The following ST3GAL6 variants were observed in gnomAD, a reference collection of about 807,000 sequenced individuals.
ST3GAL6 encodes the protein ST3 beta-galactoside alpha-2,3-sialyltransferase 6, also known as type 2 lactosamine alpha-2,3-sialyltransferase.
A neutral mutation model predicts 40.5 loss-of-function variants in ST3GAL6; 31 were observed. The ratio of observed to expected loss-of-function variants is 0.77; its 90% CI spans 0.58 to 1.03. The LOEUF (loss-of-function observed/expected upper bound fraction) is 1.03. ST3GAL6 is among the 50% of genes least tolerant of loss of function. ST3GAL6 has a pLI of 0.00. For missense variants in ST3GAL6, 357 were observed against 393.2 expected (o/e 0.91, Z 0.78); for synonymous variants, 129 against 136.9 (o/e 0.94, Z 0.40).
rs1485087866 is a variant in ST3GAL6 at position 98,795,526 on chromosome 3, C to T, written c.*1765C>T. On this transcript the variant is annotated 3_prime_UTR_variant, in exon 10 of 10. Coordinates refer to ENST00000483910, the MANE Select transcript of ST3GAL6 (RefSeq NM_001323368.2). Reference sequence around the variant, plus strand: ...TAATCAATCAGTGTGATTTTCCCCTCATACCACACAGCCATAGGCTGCAGT... The same window carrying T: ...TAATCAATCAGTGTGATTTTCCCCTTATACCACACAGCCATAGGCTGCAGT... 6.6e-6 allele frequency: 1 copy of T among 152,200 alleles called. No individual in the cohort carries two copies. The highest frequency in any genetic ancestry group is 1.5e-5 in the Non-Finnish European group (1 of 68,038). The allele number at this position is 152,200 out of a possible 1,614,324, so 9.4% of individuals were successfully genotyped here.
At position 98,788,083 on chromosome 3, in the gene ST3GAL6, G is replaced by A; in HGVS notation, c.479G>A (p.Arg160Lys). 6.2e-7 allele frequency: 1 copy of A among 1,613,910 alleles called. No individual in the cohort carries two copies. The highest frequency in any genetic ancestry group is 8.5e-7 in the Non-Finnish European group (1 of 1,179,928). The part of the protein sequence containing the change: ...VLGHEEEVGR[R>K]TTFRLFYPES... ...GGACATGAAGAAGAAGTTGGGAGAA[G>A]GACAACCTTCCGACTTTTTTATCCA... is the stretch of plus-strand genomic sequence containing the variant. Residue 160 changes from arginine (R) to lysine (K), a missense_variant, in exon 7 of 10, where the codon AGG becomes AAG. By Grantham distance (26) the Arg-to-Lys change is conservative (BLOSUM62 2). Coordinates refer to ENST00000483910, the MANE Select transcript of ST3GAL6 (RefSeq NM_001323368.2).
In ST3GAL6 at chr3:98,795,348, A is replaced by ACTT. The variant is rs1487308811; in HGVS notation, c.*1588_*1590dup. On this transcript the variant is annotated 3_prime_UTR_variant, in exon 10 of 10. Transcript: ENST00000483910. ...ATTTGGCTCAGAAACAGAATGCGGT[A>ACTT]CTTATAAAGCAGAATAAAGGGGAGA... 1.3e-5 allele frequency: 2 copies of ACTT among 152,338 alleles called. No homozygotes were observed. The highest frequency in any genetic ancestry group is 1.9e-4 in the East Asian group (1 of 5,190). 9.4% of individuals were successfully genotyped at this position (152,338 alleles called of 1,614,324 possible).
Position 98,791,915 on chromosome 3 carries a change from TG to T in ST3GAL6, c.833del (p.Gly278ValfsTer23), listed in dbSNP as rs1217295209. On this transcript the variant is annotated frameshift_variant, in exon 9 of 10. Transcript: ENST00000483910. LOFTEE classifies it high-confidence loss of function. ...FYICHEVHLAGFKYNFSDLKS... is the reference protein window; with the variant it reads ...FYICHEVHLAXFKYNFSDLKS... ...ACATATGTCACGAAGTTCACCTAGC[TG>T]GTTTTAAATACAACTTTTCTGACCT... 6.2e-7 allele frequency: 1 copy of T among 1,614,002 alleles called. No homozygotes were observed. The highest frequency in any genetic ancestry group is 2.2e-5 in the East Asian group (1 of 44,882).
rs143418195 is a variant in ST3GAL6, at chr3:98,791,447, A to G, written c.757-394A>G. Reference sequence around the variant, plus strand: ...TCCGTTTGTGAATGAAGCTGTCCTTATATTTCATACACGTGTTCAAAATTC... The same window carrying G: ...TCCGTTTGTGAATGAAGCTGTCCTTGTATTTCATACACGTGTTCAAAATTC... On this transcript the variant is annotated intron_variant, in intron 8 of 9. Transcript: ENST00000483910. Among the ~76,000 whole-genome samples the G allele has an allele frequency of 7.2e-3, 1,094 of 152,304 alleles. 7 individuals carry two copies. Among genetic ancestry groups the G allele is most frequent in the Non-Finnish European group, 0.012 (802 of 68,018 alleles).
rs182426080 is a variant in ST3GAL6, at chr3:98,791,962, A to T, written c.878A>T (p.Tyr293Phe). 1 of 1,613,844 alleles carries T rather than the reference A, an allele frequency of 6.2e-7. No individual in the cohort carries two copies. Among genetic ancestry groups the T allele is most frequent in the Non-Finnish European group, 8.5e-7 (1 of 1,179,804 alleles). Residue 293 changes from tyrosine (Y) to phenylalanine (F), a missense_variant, in exon 9 of 10, where the codon TAT becomes TTT. Physicochemically the swap from Tyr to Phe is conservative, Grantham distance 22. Transcript: ENST00000483910. ...FSDLKSPLHY[Y>F]GNATMSLMNK... is the part of the protein sequence containing the mutation. ...GACCTCAAGAGTCCTTTGCACTACT[A>T]TGGGAATGCCACCATGTCTTTGATG...
rs1559749959 is a variant in ST3GAL6 at position 98,782,275 on chromosome 3, T to C, written c.336-2670T>C. The C allele has an allele frequency of 1.4e-5, 10 of 703,450 alleles. No individual in the cohort carries two copies. The East Asian group carries it at 2.1e-4, about 15-fold the overall frequency. 43.6% of individuals were successfully genotyped at this position (703,450 alleles called of 1,614,324 possible). On this transcript the variant is annotated intron_variant, in intron 5 of 9. Coordinates refer to ENST00000483910, the MANE Select transcript of ST3GAL6 (RefSeq NM_001323368.2). ...CAAGGACTTCCAGTAGCTTCTCAGC[T>C]GTTTTCCCAGTCACTTTCAGAAGCA... is the stretch of plus-strand genomic sequence containing the variant.
At chr3:98,755,884 T>G (rs1240621799) in intron 1 of ST3GAL6, among the ~76,000 whole-genome samples, 2 of 152,134 alleles carry the variant, frequency 1.3e-5, no homozygotes, top group African/African-American at 4.8e-5. Context: ...CACACTTCTT[T>G]TTCCCTCACT....
At position 98,757,028 on chromosome 3, in the gene ST3GAL6, T is replaced by A. The variant is rs537535659; in HGVS notation, c.-11-11402T>A. On this transcript the variant is annotated intron_variant, in intron 1 of 9. Transcript: ENST00000265261. ...ATAGTTTCATTAAAGTACCTTCTAATTTTTTAGGCTGATTTTTCTTACTTT... is the reference window on the plus strand; with the variant it reads ...ATAGTTTCATTAAAGTACCTTCTAAATTTTTAGGCTGATTTTTCTTACTTT... Among the ~76,000 whole-genome samples the A allele has an allele frequency of 3.9e-4, 59 of 152,324 alleles. 2 individuals carry two copies. Among genetic ancestry groups the A allele is most frequent in the Admixed American group, 3.3e-4 (5 of 15,310 alleles).
At position 98,794,540 on chromosome 3, in the gene ST3GAL6, C is replaced by T. The variant is rs1941458446; in HGVS notation, c.*779C>T. The T allele has an allele frequency of 6.6e-6, 1 of 151,940 alleles. No individual in the cohort carries two copies. The highest frequency in any genetic ancestry group is 3.4e-3 in the Middle Eastern group (1 of 294). The allele number at this position is 151,940 out of a possible 1,614,324, so 9.4% of individuals were successfully genotyped here. ...TATTCATTAAATTTTGAAGGTTTTC[C>T]ACTTGAAGTAAATTAGGAAAGGTAA... On this transcript the variant is annotated 3_prime_UTR_variant, in exon 10 of 10. Transcript: ENST00000483910.
chr3:98,792,060 T>C (rs1040358214), intron 9 of ST3GAL6, 67 bp downstream of exon 9: 6 of 1,399,808 alleles, frequency 4.3e-6, no homozygotes, highest in Non-Finnish European at 5.7e-6. Flanking sequence ...GGAAAGCCCA[T>C]ATTTTCTCTT....
At chr3:98,784,895 C>G in intron 5 of ST3GAL6, 50 bp from the exon 6 acceptor site, 3 of 1,454,168 alleles carry the variant, frequency 2.1e-6, no homozygotes, top group Non-Finnish European at 2.9e-6. Context: ...TTCTTGGAAT[C>G]AGTTTTGTAA....
In ST3GAL6 at chr3:98,791,832, C is replaced by A; in HGVS notation, c.757-9C>A. 1 of 1,592,292 alleles carries A rather than the reference C, an allele frequency of 6.3e-7. No homozygotes were observed. The highest frequency in any genetic ancestry group is 1.1e-5 in the South Asian group (1 of 87,674). On this transcript the variant is annotated splice_polypyrimidine_tract_variant and intron_variant, in intron 8 of 9. Coordinates refer to ENST00000483910, the MANE Select transcript of ST3GAL6 (RefSeq NM_001323368.2). The stretch of plus-strand genomic sequence containing the variant: ...TGCTTAAAAAAGTTTTTTTCATCCC[C>A]TCCCCCAGAAACCTAAACACCCAAC...
chr3:98,788,849 G>C (rs529996677), intron 8 of ST3GAL6, among the ~76,000 whole-genome samples: 6 of 152,308 alleles, frequency 3.9e-5, no homozygotes, highest in African/African-American at 1.4e-4. Context: ...GGCTTTGCAG[G>C]CTAAAAAGAA....
At position 98,773,964 on chromosome 3, in the gene ST3GAL6, C is replaced by G. The variant is rs1356355696; in HGVS notation, c.316C>G (p.Leu106Val). The G allele has an allele frequency of 6.2e-7, 1 of 1,613,100 alleles. No individual in the cohort carries two copies. Among genetic ancestry groups the G allele is most frequent in the Non-Finnish European group, 8.5e-7 (1 of 1,179,342 alleles). The change falls in exon 5 of 10, where the codon CTC (leucine) becomes GTC (valine). Residue 106 changes from leucine (L) to valine (V), a missense_variant. Coordinates refer to ENST00000483910, the MANE Select transcript of ST3GAL6 (RefSeq NM_001323368.2). ...LALSKLQSCD[L>V]FDEFDNIPCK... is the part of the protein sequence containing the mutation. ...TCTTTCAAAACTGCAGAGTTGTGAT[C>G]TCTTTGATGAGTTTGACAAGTGAGT...
In ST3GAL6 at chr3:98,793,838, G is replaced by C; in HGVS notation, c.*77G>C. The C allele has an allele frequency of 7.1e-6, 6 of 842,734 alleles. No homozygotes were observed. Among genetic ancestry groups the C allele is most frequent in the Non-Finnish European group, 1.1e-5 (6 of 544,890 alleles). The allele number at this position is 842,734 out of a possible 1,614,324, so 52.2% of individuals were successfully genotyped here. On this transcript the variant is annotated 3_prime_UTR_variant, in exon 10 of 10. Coordinates refer to ENST00000483910, the MANE Select transcript of ST3GAL6 (RefSeq NM_001323368.2). ...GCAATTTTTAGTTTAAAATATGTTG[G>C]ATGCACTCGTCAAATAATTATGTAT...
At chr3:98,793,522 T>G (rs1488418339) in intron 9 of ST3GAL6, among the ~76,000 whole-genome samples, 153 bp from the exon 10 acceptor site, 1 of 151,918 alleles carries the variant, frequency 6.6e-6, no homozygotes, top group Non-Finnish European at 1.5e-5. Context: ...GGAAAGTAAT[T>G]TAAAAGGCTA....
At chr3:98,774,871 T>G (rs1163847408) in intron 5 of ST3GAL6, among the ~76,000 whole-genome samples, 1 of 152,260 alleles carries the variant, frequency 6.6e-6, no homozygotes, top group East Asian at 1.9e-4. Context: ...AGTGTGTATT[T>G]GTGTAATGTG....
chr3:98,791,692 G>T, intron 8 of ST3GAL6, 149 bp from the exon 9 acceptor site: 1 of 676,638 alleles, frequency 1.5e-6, no homozygotes, highest in South Asian at 2.0e-5. Context: ...ATACTCTTTG[G>T]GGCTTGAGCC....
chr3:98,794,382 AC>A lies in ST3GAL6; in HGVS notation c.*622del, dbSNP rs1415599159. 1.3e-5 allele frequency: 2 copies of A among 152,208 alleles called. No homozygotes were observed. Among genetic ancestry groups the A allele is most frequent in the African/African-American group, 4.8e-5 (2 of 41,444 alleles). The allele number at this position is 152,208 out of a possible 1,614,324, so 9.4% of individuals were successfully genotyped here. ...ATAAGTAAATAACTAAAGAAAGAAT[AC>A]AATTACTAAACTCTGATGGCTTTGT... On this transcript the variant is annotated 3_prime_UTR_variant, in exon 10 of 10. Coordinates refer to ENST00000483910, the MANE Select transcript of ST3GAL6 (RefSeq NM_001323368.2).
Sources: gnomAD v4.1 joint callset for allele counts (sites outside exome capture counted in the v4.1 genomes callset) on GRCh38, gnomAD v4.1.1 for gene constraint, MANE v1.5 for transcripts, NCBI Gene and HGNC (gene_info 2026-07-23, HGNC 2026-07-21) for gene names.